TRAIP: variants seen among roughly 807,000 people sequenced by gnomAD.
TRAIP encodes the protein E3 ubiquitin-protein ligase TRAIP.
Under a neutral mutation model 65.0 loss-of-function variants are expected in TRAIP, and 37 were observed. That is an observed-to-expected ratio of 0.57 (90% confidence interval 0.44 to 0.75). The LOEUF (loss-of-function observed/expected upper bound fraction) is 0.75. Among genes scored for constraint, TRAIP ranks in the 30% least tolerant of loss-of-function variants. TRAIP has a pLI of 0.00. For missense variants in TRAIP, 481 were observed against 579.4 expected (o/e 0.83, Z 1.74); for synonymous variants, 187 against 219.1 (o/e 0.85, Z 1.29).
intron 3 of TRAIP, 112 bp from the exon 4 acceptor site, chr3:49,844,692 C>T: frequency 8.1e-7 from 1 of 1,235,720 alleles, no homozygotes; most frequent in Non-Finnish European, 1.2e-6. Context: ...CCTTCTAGGG[C>T]ATGAATCCTG....
chr3:49,834,005 T>A (rs978928959), intron 10 of TRAIP, among the ~76,000 whole-genome samples: 1 of 152,180 alleles, frequency 6.6e-6, no homozygotes, highest in African/African-American at 2.4e-5. Flanking sequence ...CAGGGCTTCA[T>A]GCCAGAGGCC....
rs913263335 is a variant in TRAIP at position 49,840,158 on chromosome 3, G to C, written c.795+126C>G. 4 of 885,076 alleles carry C rather than the reference G, an allele frequency of 4.5e-6. No individual in the cohort carries two copies. In the African/African-American group the frequency reaches 6.6e-5, roughly 15 times the overall value. The allele number at this position is 885,076 out of a possible 1,614,324, so 54.8% of individuals were successfully genotyped here. On this transcript the variant is annotated intron_variant, in intron 9 of 14. Coordinates refer to ENST00000331456, the MANE Select transcript of TRAIP (RefSeq NM_005879.3). Reference sequence around the variant, plus strand: ...GGGCCAAGGGGCACACCCTGACCCAGGAGGATGCAGGGGCCCAGAACCACC... The same window carrying C: ...GGGCCAAGGGGCACACCCTGACCCACGAGGATGCAGGGGCCCAGAACCACC...
chr3:49,836,362 C>G (rs548106702), intron 10 of TRAIP, among the ~76,000 whole-genome samples: 13 of 151,946 alleles, frequency 8.6e-5, no homozygotes, highest in Admixed American at 6.6e-4. Flanking sequence ...CATGGTGGTG[C>G]GTGCCTATAA....
In TRAIP at chr3:49,829,438, A is replaced by G. The variant is rs1192529406; in HGVS notation, c.1287+20T>C. 1.9e-6 allele frequency: 3 copies of G among 1,613,992 alleles called. No individual in the cohort carries two copies. Among genetic ancestry groups the G allele is most frequent in the Non-Finnish European group, 2.5e-6 (3 of 1,180,028 alleles). On this transcript the variant is annotated intron_variant, in intron 14 of 14. Transcript: ENST00000331456. ...GGGCTCCACAGTTCAGCTCAGCTCA[A>G]CATCACAGGAAAAGGATACAGGCTG...
intron 1 of TRAIP, among the ~76,000 whole-genome samples, 198 bp downstream of exon 1, chr3:49,856,158 C>T (rs2081967605): frequency 6.6e-6 from 1 of 152,228 alleles, no homozygotes; most frequent in Non-Finnish European, 1.5e-5. Flanking sequence ...TCAGGCTTAG[C>T]TCAGCTATCA....
chr3:49,848,087 T>C lies in TRAIP; in HGVS notation c.156+56A>G, dbSNP rs1287680357. 1.9e-6 allele frequency: 3 copies of C among 1,593,902 alleles called. No individual in the cohort carries two copies. In the Admixed American group the frequency reaches 5.0e-5, roughly 27 times the overall value. On this transcript the variant is annotated intron_variant, in intron 2 of 14. Transcript: ENST00000331456. ...AGTTTCAGAGCTCTTTTCACATTCC[T>C]GCTCTCTGCTAAGGAGATCTCTTCA...
At chr3:49,837,618 G>A (rs1339705691) in intron 10 of TRAIP, among the ~76,000 whole-genome samples, 1 of 152,074 alleles carries the variant, frequency 6.6e-6, no homozygotes, top group Non-Finnish European at 1.5e-5. Flanking sequence ...GAGTCTCTCT[G>A]TCACCCAGGC....
chr3:49,842,597 A>T, intron 5 of TRAIP, 50 bp from the exon 6 acceptor site: 1 of 1,543,314 alleles, frequency 6.5e-7, no homozygotes, highest in South Asian at 1.1e-5. Flanking sequence ...CTCAGGAGCC[A>T]TTGCTAAAGT....
rs146175744 is a variant in TRAIP at position 49,847,419 on chromosome 3, A to AAAGAGAAGAGAAGAGAAGAG, written c.240+86_240+105dup. ...AGAAAAGAAAAGAAAAGAAAAGAGAAAAGAGAAGAGAAGAGAAGAGAAGAG... is the reference window on the plus strand; with the variant it reads ...AGAAAAGAAAAGAAAAGAAAAGAGAAAAGAGAAGAGAAGAGAAGAGAAGAGAAGAGAAGAGAAGAGAAGAG... On this transcript the variant is annotated intron_variant, in intron 3 of 14. Transcript: ENST00000331456. 793 of 746,120 alleles carry AAAGAGAAGAGAAGAGAAGAG rather than the reference A, an allele frequency of 1.1e-3. 3 individuals carry two copies. The African/African-American group carries it at 0.013, about 12-fold the overall frequency. 46.2% of individuals were successfully genotyped at this position (746,120 alleles called of 1,614,324 possible). A position where few individuals can be genotyped will look rare whatever the true frequency, so the allele number is the denominator to read the frequency against.
chr3:49,842,973 G>A (rs2081851223), intron 5 of TRAIP, among the ~76,000 whole-genome samples: 1 of 152,154 alleles, frequency 6.6e-6, no homozygotes, highest in Non-Finnish European at 1.5e-5. Flanking sequence ...ATTGAGCCAG[G>A]GGAAGCTGGC....
Position 49,841,843 on chromosome 3 carries a change from G to A in TRAIP, c.600C>T (p.Tyr200=). The A allele has an allele frequency of 6.2e-7, 1 of 1,614,108 alleles. No homozygotes were observed. Among genetic ancestry groups the A allele is most frequent in the East Asian group, 2.2e-5 (1 of 44,890 alleles). ...GQSAVEQLAV[Y]CVSLKKEYEN... ...GTACGCACTTCTTGAGAGACACACA[G>A]TACACAGCCAGCTGTTCCACCGCTG... Residue 200 remains tyrosine (Y), a synonymous_variant, in exon 7 of 15, where the codon TAC becomes TAT. Transcript: ENST00000331456.
intron 1 of TRAIP, 36 bp downstream of exon 1, chr3:49,856,320 G>T: frequency 6.3e-7 from 1 of 1,585,748 alleles, no homozygotes; most frequent in Non-Finnish European, 8.7e-7. Context: ...AGCGGTACCC[G>T]GGCAAACACC....
intron 9 of TRAIP, 77 bp downstream of exon 9, chr3:49,840,207 G>A: frequency 7.5e-7 from 1 of 1,327,246 alleles, no homozygotes; most frequent in Non-Finnish European, 1.1e-6. Context: ...AGGGTCCTGG[G>A]CAGAGATAGC....
At chr3:49,830,214 AC>A in intron 11 of TRAIP, 146 bp from the exon 12 acceptor site, 1 of 870,916 alleles carries the variant, frequency 1.1e-6, no homozygotes, top group Non-Finnish European at 1.8e-6. Context: ...CAGTGATCCC[AC>A]CCCAAGTGCA....
chr3:49,843,897 G>C lies in TRAIP; in HGVS notation c.312C>G (p.Ile104Met), dbSNP rs374213804. The change falls in exon 5 of 15, where the codon ATC becomes ATG. Residue 104 changes from isoleucine (I) to methionine (M), a missense_variant. Ile to Met is a conservative substitution (Grantham distance 10). Coordinates refer to ENST00000331456, the MANE Select transcript of TRAIP (RefSeq NM_005879.3). Reference protein sequence around the residue: ...DKEKRDSQVIIDTLRDTLEER... With the variant: ...DKEKRDSQVIMDTLRDTLEER... The stretch of plus-strand genomic sequence containing the variant: ...CTTCCAGCGTATCCCGCAGAGTGTC[G>C]ATGATGACCTGGCTGTCTCGTTTCT... 53 of 1,611,986 alleles carry C rather than the reference G, an allele frequency of 3.3e-5. No individual in the cohort carries two copies. The highest frequency in any genetic ancestry group is 6.7e-5 in the Admixed American group (4 of 59,950).
Position 49,841,954 on chromosome 3 carries a change from C to T in TRAIP, c.504-15G>A, listed in dbSNP as rs1363746206. Reference sequence around the variant, plus strand: ...GAAGCTCAATCCTGAAAAATACACCCAGCCCACGGCATTTGCAATCTGGAG... The same window carrying T: ...GAAGCTCAATCCTGAAAAATACACCTAGCCCACGGCATTTGCAATCTGGAG... On this transcript the variant is annotated splice_polypyrimidine_tract_variant and intron_variant, in intron 6 of 14. Transcript: ENST00000331456. 6.2e-7 allele frequency: 1 copy of T among 1,607,966 alleles called. No homozygotes were observed. Among genetic ancestry groups the T allele is most frequent in the South Asian group, 1.1e-5 (1 of 90,930 alleles).
rs2081970691 is a variant in TRAIP at position 49,856,464 on chromosome 3, C to T, written c.-11G>A. The T allele has an allele frequency of 6.2e-7, 1 of 1,611,620 alleles. No individual in the cohort carries two copies. Among genetic ancestry groups the T allele is most frequent in the Non-Finnish European group, 8.5e-7 (1 of 1,178,550 alleles). ...AGCACGGATAGGCATGATGGCTGGA[C>T]TCAAGGGGCCCAGGCAGCCAAAGAA... is the stretch of plus-strand genomic sequence containing the variant. On this transcript the variant is annotated 5_prime_UTR_variant, in exon 1 of 15. Coordinates refer to ENST00000331456, the MANE Select transcript of TRAIP (RefSeq NM_005879.3).
intron 13 of TRAIP, 53 bp downstream of exon 13, chr3:49,829,564 C>T: frequency 6.2e-7 from 1 of 1,614,126 alleles, no homozygotes; most frequent in South Asian, 1.1e-5. Flanking sequence ...GGGCTGGCCA[C>T]CCATTTCTAC....
At chr3:49,835,434 A>G (rs936367920) in intron 10 of TRAIP, among the ~76,000 whole-genome samples, 3 of 152,168 alleles carry the variant, frequency 2.0e-5, no homozygotes, top group African/African-American at 7.2e-5. Context: ...AAGGGGAGTT[A>G]TTGTTTAATG....
Sources: allele counts gnomAD v4.1 joint callset (sites outside exome capture counted in the v4.1 genomes callset), GRCh38; gene constraint gnomAD v4.1.1; transcripts MANE v1.5; gene names NCBI Gene and HGNC (gene_info 2026-07-23, HGNC 2026-07-21).